Variants in SRD5A2 observed in about 807,000 individuals in gnomAD.
SRD5A2 encodes the protein 3-oxo-5-alpha-steroid 4-dehydrogenase 2.
Under a neutral mutation model 27.4 loss-of-function variants are expected in SRD5A2, and 30 were observed. The observed-to-expected ratio is 1.10, with a 90% CI of 0.82 to 1.49. The LOEUF is 1.49. Among genes scored for constraint, SRD5A2 ranks in the 40% most tolerant of loss-of-function variants. The pLI is 0.00. For missense variants in SRD5A2, 348 were observed against 323.4 expected (o/e 1.08, Z -0.58); for synonymous variants, 141 against 133.6 (o/e 1.06, Z -0.38).
chr2:31,633,037 GAAAGGAAAGGA>G, the SRD5A2 span, among the ~76,000 whole-genome samples: 1 of 151,978 alleles, frequency 6.6e-6, no homozygotes, highest in South Asian at 2.1e-4. Context: ...GGGGTCAGGA[GAAAGGAAAGGA>G]AAGAATAGAA....
chr2:31,562,765 C>T (rs1045187501), intron 1 of SRD5A2, among the ~76,000 whole-genome samples: 6 of 152,074 alleles, frequency 3.9e-5, no homozygotes, highest in African/African-American at 1.4e-4. Context: ...GAAGCTCAAA[C>T]CTCAGCATCA....
At chr2:31,604,339 CAT>C in the SRD5A2 span, among the ~76,000 whole-genome samples, 1 of 151,612 alleles carries the variant, frequency 6.6e-6, no homozygotes, top group Non-Finnish European at 1.5e-5. Flanking sequence ...AGGAAGAAGT[CAT>C]ATTATTTTTG....
At chr2:31,627,221 A>G in the SRD5A2 span, among the ~76,000 whole-genome samples, 4 of 151,138 alleles carry the variant, frequency 2.6e-5, no homozygotes, top group African/African-American at 9.7e-5. Flanking sequence ...TTATGTACCC[A>G]TTTCTTCTAG....
chr2:31,526,104 C>CATATTTATATATATATAT lies in SRD5A2; in HGVS notation c.*91_*92insATATATATATATAAATAT. The stretch of plus-strand genomic sequence containing the variant: ...CAGGAGACCTACTATTACATATATA[C>CATATTTATATATATATAT]GGGACTATTATATCATGAAAATTAC... On this transcript the variant is annotated 3_prime_UTR_variant, in exon 5 of 5. Coordinates refer to ENST00000622030, the MANE Select transcript of SRD5A2 (RefSeq NM_000348.4). 1.3e-6 allele frequency: 1 copy of CATATTTATATATATATAT among 795,662 alleles called. No homozygotes were observed. Among genetic ancestry groups the CATATTTATATATATATAT allele is most frequent in the Non-Finnish European group, 2.0e-6 (1 of 493,562 alleles). 49.3% of individuals were successfully genotyped at this position (795,662 alleles called of 1,614,324 possible).
chr2:31,637,624 G>A, the SRD5A2 span, among the ~76,000 whole-genome samples: 6 of 151,910 alleles, frequency 3.9e-5, no homozygotes, highest in Non-Finnish European at 7.4e-5. Context: ...CTCTGCCTAT[G>A]GGATATCCCT....
chr2:31,607,834 C>G, the SRD5A2 span, among the ~76,000 whole-genome samples: 2 of 151,930 alleles, frequency 1.3e-5, no homozygotes, highest in African/African-American at 4.8e-5. Context: ...CTCACCCCAC[C>G]CCAGTGTGAT....
the SRD5A2 span, among the ~76,000 whole-genome samples, chr2:31,623,239 A>G: frequency 6.6e-6 from 1 of 152,106 alleles, no homozygotes. Flanking sequence ...GAATAAGAAA[A>G]TCGCTCAAAT....
chr2:31,632,400 G>C, the SRD5A2 span, among the ~76,000 whole-genome samples: 1 of 152,158 alleles, frequency 6.6e-6, no homozygotes, highest in Non-Finnish European at 1.5e-5. Flanking sequence ...GCCTCCCCCT[G>C]TCCATGCCCC....
chr2:31,544,616 A>G (rs968993440), intron 1 of SRD5A2, among the ~76,000 whole-genome samples: 3 of 151,910 alleles, frequency 2.0e-5, no homozygotes, highest in Non-Finnish European at 2.9e-5. Flanking sequence ...AAGATCCTAT[A>G]TCAGCCAACT....
At chr2:31,557,601 G>C (rs1666526035) in intron 1 of SRD5A2, among the ~76,000 whole-genome samples, 5 of 152,140 alleles carry the variant, frequency 3.3e-5, no homozygotes. Flanking sequence ...TAGGAATGGA[G>C]AATGATAAAA....
At chr2:31,649,750 T>C in the SRD5A2 span, among the ~76,000 whole-genome samples, 1 of 152,176 alleles carries the variant, frequency 6.6e-6, no homozygotes, top group South Asian at 2.1e-4. Flanking sequence ...CTGTATATGA[T>C]ACTGTCCCTG....
intron 1 of SRD5A2, among the ~76,000 whole-genome samples, chr2:31,579,836 T>G (rs531970015): frequency 5.3e-5 from 8 of 152,340 alleles, no homozygotes; most frequent in African/African-American, 1.9e-4. Flanking sequence ...CTGTCTTTCC[T>G]TCCCAGAGCA....
At position 31,526,096 on chromosome 2, in the gene SRD5A2, C is replaced by CA. The variant is rs1665772323; in HGVS notation, c.*99dup. The stretch of plus-strand genomic sequence containing the variant: ...CAGAACGCCAGGAGACCTACTATTA[C>CA]ATATATACGGGACTATTATATCATG... On this transcript the variant is annotated 3_prime_UTR_variant, in exon 5 of 5. Transcript: ENST00000622030. 6.0e-6 allele frequency: 4 copies of CA among 667,676 alleles called. No homozygotes were observed. Among genetic ancestry groups the CA allele is most frequent in the Non-Finnish European group, 7.3e-6 (3 of 412,744 alleles). 41.4% of individuals were successfully genotyped at this position (667,676 alleles called of 1,614,324 possible).
At chr2:31,567,470 A>ATATATC (rs1454037797) in intron 1 of SRD5A2, among the ~76,000 whole-genome samples, 1 of 151,094 alleles carries the variant, frequency 6.6e-6, no homozygotes, top group Non-Finnish European at 1.5e-5. Flanking sequence ...ATATATATAT[A>ATATATC]TATCTACCAG....
rs201175894 is a variant in SRD5A2 at position 31,580,630 on chromosome 2, A to T, written c.271T>A (p.Tyr91Asn). ...AGGGAAAAACGCTACCTGTGGAAGT[A>T]ATGTAGGCAGAAGAGGCCCAGAAGT... ...TVLLGLFCLH[Y>N]FHRTFVYSLL... is the part of the protein sequence containing the mutation. The change falls in exon 1 of 5, where the codon TAC becomes AAC. Residue 91 changes from tyrosine to asparagine, a missense_variant. Transcript: ENST00000622030. 6.4e-7 allele frequency: 1 copy of T among 1,569,840 alleles called. No homozygotes were observed. Among genetic ancestry groups the T allele is most frequent in the South Asian group, 1.1e-5 (1 of 87,320 alleles).
In SRD5A2 at chr2:31,533,821, T is replaced by G. The variant is rs892426585; in HGVS notation, c.282-55A>C. ...TTCACTGTTAAAAAAGAACATGGTC[T>G]CATCCCCACCTCTTTCTTAAGCTCA... On this transcript the variant is annotated intron_variant, in intron 1 of 4. Transcript: ENST00000622030. 6.5e-6 allele frequency: 10 copies of G among 1,542,768 alleles called. No homozygotes were observed. The African/African-American group carries it at 1.1e-4, about 17-fold the overall frequency.
At chr2:31,528,074 G>A (rs1558355298) in intron 4 of SRD5A2, among the ~76,000 whole-genome samples, 1 of 152,172 alleles carries the variant, frequency 6.6e-6, no homozygotes, top group Non-Finnish European at 1.5e-5. Context: ...AATACTTTTA[G>A]TTAATTCTTT....
At chr2:31,535,267 G>A (rs1302213330) in intron 1 of SRD5A2, among the ~76,000 whole-genome samples, 1 of 152,160 alleles carries the variant, frequency 6.6e-6, no homozygotes. Flanking sequence ...TGATCCACCT[G>A]CTTCAGCCTC....
the SRD5A2 span, among the ~76,000 whole-genome samples, chr2:31,615,746 G>A: frequency 6.6e-6 from 1 of 152,156 alleles, no homozygotes. Context: ...AAGACAATGG[G>A]GAAAATGTCT....
Sources: allele counts gnomAD v4.1 joint callset (sites outside exome capture counted in the v4.1 genomes callset), GRCh38; gene constraint gnomAD v4.1.1; transcripts MANE v1.5; gene names NCBI Gene and HGNC (gene_info 2026-07-23, HGNC 2026-07-21).